SYT1: variants seen among roughly 807,000 people sequenced by gnomAD.
The protein encoded by SYT1 is synaptotagmin 1.
In SYT1, 8 loss-of-function variants were observed where a neutral mutation model predicts 44.8. That is an observed-to-expected ratio of 0.18 (90% CI 0.10 to 0.32). SYT1 has a LOEUF of 0.32. SYT1 is among the 10% of genes least tolerant of loss of function. The pLI is 1.00. For synonymous variants in SYT1, 154 were observed against 188.8 expected, an observed-to-expected ratio of 0.82 and a Z score of 1.51; for missense variants, 286 against 509.3, an observed-to-expected ratio of 0.56 and a Z score of 4.22.
At chr12:79,202,590 T>C (rs1439837114) in intron 3 of SYT1, among the ~76,000 whole-genome samples, 2 of 152,174 alleles carry the variant, frequency 1.3e-5, no homozygotes, top group Non-Finnish European at 2.9e-5. Flanking sequence ...ATGGAGATTA[T>C]GCCATGTAAG....
At chr12:78,981,894 TAA>T (rs1175937481) in intron 2 of SYT1, among the ~76,000 whole-genome samples, 2 of 152,186 alleles carry the variant, frequency 1.3e-5, no homozygotes, top group Non-Finnish European at 2.9e-5. Context: ...TTCTGTTTCT[TAA>T]ATTTGGATAG....
intron 8 of SYT1, among the ~76,000 whole-genome samples, chr12:79,337,681 C>T (rs900777841): frequency 1.3e-5 from 2 of 152,120 alleles, no homozygotes; most frequent in Non-Finnish European, 1.5e-5. Context: ...CTAAACAATG[C>T]CTTCCAAGGT....
intron 9 of SYT1, among the ~76,000 whole-genome samples, chr12:79,385,505 C>A (rs1202122621): frequency 2.0e-5 from 3 of 151,714 alleles, no homozygotes; most frequent in Non-Finnish European, 4.4e-5. Flanking sequence ...CGTGTTTATT[C>A]CCCCCAAAAT....
At chr12:79,211,431 A>G (rs1441701520) in intron 3 of SYT1, among the ~76,000 whole-genome samples, 2 of 151,972 alleles carry the variant, frequency 1.3e-5, no homozygotes, top group African/African-American at 4.8e-5. Context: ...AAGAAAAATG[A>G]CCCTTTCTTT....
At chr12:79,431,657 C>T (rs1593062363) in intron 9 of SYT1, among the ~76,000 whole-genome samples, 1 of 152,020 alleles carries the variant, frequency 6.6e-6, no homozygotes, top group East Asian at 1.9e-4. Context: ...GATTATTCTG[C>T]CTCAGCCTCC....
intron 9 of SYT1, among the ~76,000 whole-genome samples, chr12:79,413,253 A>G (rs993368022): frequency 2.6e-5 from 4 of 152,200 alleles, no homozygotes; most frequent in African/African-American, 9.7e-5. Flanking sequence ...TTTGAAGGAC[A>G]CTGCTTCATA....
intron 2 of SYT1, among the ~76,000 whole-genome samples, chr12:79,036,031 A>C (rs1460006237): frequency 6.6e-6 from 1 of 151,404 alleles, no homozygotes; most frequent in Non-Finnish European, 1.5e-5. Context: ...CATCTTTGGC[A>C]GCTGCCAATC....
At position 78,894,330 on chromosome 12, in the gene SYT1, G is replaced by GTTTTTTTTTTTT. The variant is rs566175647; in HGVS notation, c.-217+29245_-217+29256dup. Among the ~76,000 whole-genome samples, 82 of 27,734 alleles carry GTTTTTTTTTTTT rather than the reference G, an allele frequency of 3.0e-3. 27 individuals are homozygous for GTTTTTTTTTTTT. The highest frequency in any genetic ancestry group is 3.6e-3 in the Non-Finnish European group (54 of 15,136). 18.2% of individuals were successfully genotyped at this position (27,734 alleles called of 152,430 possible). On this transcript the variant is annotated intron_variant, in intron 1 of 10. Transcript: ENST00000261205. ...AATTTATGATTGTGTTTTTTAATCT[G>GTTTTTTTTTTTT]TTTTTTTTTTTTTTTTTTTTTTTTT...
chr12:78,999,355 G>T (rs1175203372), intron 2 of SYT1, among the ~76,000 whole-genome samples: 1 of 152,052 alleles, frequency 6.6e-6, no homozygotes, highest in Non-Finnish European at 1.5e-5. Flanking sequence ...CTTTCTGAGG[G>T]TTATTTTTAA....
intron 2 of SYT1, among the ~76,000 whole-genome samples, chr12:78,986,116 A>G (rs1869623391): frequency 6.6e-6 from 1 of 152,026 alleles, no homozygotes; most frequent in Non-Finnish European, 1.5e-5. Context: ...TCTAACTAGG[A>G]AGTACATTCA....
At chr12:79,129,803 A>G (rs189195963) in intron 3 of SYT1, among the ~76,000 whole-genome samples, 201 of 152,312 alleles carry the variant, frequency 1.3e-3, no homozygotes, top group Non-Finnish European at 2.6e-3. Context: ...CTTTTAATAT[A>G]GTAAATCTAA....
intron 9 of SYT1, among the ~76,000 whole-genome samples, chr12:79,396,528 A>G (rs953844037): frequency 6.6e-6 from 1 of 152,172 alleles, no homozygotes; most frequent in African/African-American, 2.4e-5. Flanking sequence ...AGATGATACT[A>G]ATCCAGTACA....
intron 3 of SYT1, among the ~76,000 whole-genome samples, chr12:79,211,869 T>A (rs2138538213): frequency 6.6e-6 from 1 of 152,218 alleles, no homozygotes; most frequent in South Asian, 2.1e-4. Flanking sequence ...AGTATCCTCC[T>A]AATCTAGTCT....
At chr12:79,324,242 G>A (rs765540297) in intron 8 of SYT1, among the ~76,000 whole-genome samples, 17 of 152,056 alleles carry the variant, frequency 1.1e-4, no homozygotes, top group South Asian at 2.1e-4. Flanking sequence ...GAGCCACCGC[G>A]CCTGGCCTGT....
At chr12:78,946,439 G>A (rs1049414920) in intron 1 of SYT1, among the ~76,000 whole-genome samples, 1 of 152,162 alleles carries the variant, frequency 6.6e-6, no homozygotes, top group East Asian at 1.9e-4. Flanking sequence ...TGGATCACTT[G>A]AGGTCAGGAG....
chr12:78,896,138 T>C (rs1875344883), intron 1 of SYT1, among the ~76,000 whole-genome samples: 1 of 151,824 alleles, frequency 6.6e-6, no homozygotes, highest in South Asian at 2.1e-4. Flanking sequence ...ACCAAATCCC[T>C]TTATTATTTT....
chr12:79,391,197 A>G (rs12581121), intron 9 of SYT1, among the ~76,000 whole-genome samples: 22,620 of 152,066 alleles, frequency 0.15, 2,005 homozygotes, highest in Middle Eastern at 0.34. Flanking sequence ...TCTGGGGGGC[A>G]TTTGTTAAAA....
intron 3 of SYT1, among the ~76,000 whole-genome samples, chr12:79,150,462 G>C (rs543920579): frequency 6.6e-6 from 1 of 152,288 alleles, no homozygotes; most frequent in East Asian, 1.9e-4. Context: ...GAGGGGTAGT[G>C]GGACTTTGGT....
At chr12:79,119,116 A>G (rs533238048) in intron 3 of SYT1, among the ~76,000 whole-genome samples, 3 of 152,230 alleles carry the variant, frequency 2.0e-5, no homozygotes, top group African/African-American at 7.2e-5. Context: ...TCTATAATGT[A>G]CAAAAGCAAC....
Sources: gnomAD v4.1 joint callset for allele counts (sites outside exome capture counted in the v4.1 genomes callset) on GRCh38, gnomAD v4.1.1 for gene constraint, MANE v1.5 for transcripts, NCBI Gene and HGNC (gene_info 2026-07-23, HGNC 2026-07-21) for gene names.